The following GALNTL6 variants were observed in gnomAD, a reference collection of about 807,000 sequenced individuals.
GALNTL6 encodes polypeptide N-acetylgalactosaminyltransferase like 6.
In GALNTL6, 46 loss-of-function variants were observed where a neutral mutation model predicts 73.7. The ratio of observed to expected loss-of-function variants is 0.62; its 90% CI spans 0.49 to 0.80. GALNTL6 has a LOEUF of 0.80. GALNTL6 is among the 30% of genes least tolerant of loss of function. The probability of loss-of-function intolerance (pLI) is 0.00; values close to 1 mark genes in which losing one functional copy is unlikely to be tolerated. For synonymous variants in GALNTL6, 259 were observed against 263.7 expected, an observed-to-expected ratio of 0.98 and a Z score of 0.17; for missense variants, 604 against 755.0, an observed-to-expected ratio of 0.80 and a Z score of 2.34.
At chr4:172,931,439 T>G (rs1329094908) in intron 9 of GALNTL6, among the ~76,000 whole-genome samples, 171 bp downstream of exon 9, 1 of 152,230 alleles carries the variant, frequency 6.6e-6, no homozygotes, top group Non-Finnish European at 1.5e-5. Context: ...ATAATGCTAT[T>G]TCTTGTTACA....
intron 7 of GALNTL6, among the ~76,000 whole-genome samples, chr4:172,876,373 T>G (rs1237719179): frequency 6.6e-6 from 1 of 152,218 alleles, no homozygotes; most frequent in Non-Finnish European, 1.5e-5. Flanking sequence ...GGATAACTAG[T>G]TGGCCTTATT....
In GALNTL6 at chr4:171,814,668, C is replaced by A; in HGVS notation, c.88C>A (p.Leu30Met). The A allele has an allele frequency of 2.5e-6, 4 of 1,614,122 alleles. No homozygotes were observed. Among genetic ancestry groups the A allele is most frequent in the Non-Finnish European group, 3.4e-6 (4 of 1,180,022 alleles). ...CCTGCCTAACGTTGGTCTCTGGTCT[C>A]TGTACAAGGATAAGCACCTGGTGAA... ...IFLPNVGLWS[L>M]YKDKHLVKSA... is the part of the protein sequence containing the mutation. The change falls in exon 2 of 13, where the codon CTG becomes ATG. Residue 30 changes from leucine (L) to methionine (M), a missense_variant. Leu to Met is a conservative substitution (Grantham distance 15). Coordinates refer to ENST00000506823, the MANE Select transcript of GALNTL6 (RefSeq NM_001034845.3).
intron 2 of GALNTL6, among the ~76,000 whole-genome samples, chr4:172,015,923 A>ATTTTTTTTTTTTTTTTT (rs70941375): frequency 2.3e-5 from 1 of 44,052 alleles, no homozygotes; most frequent in African/African-American, 7.8e-5. Flanking sequence ...ATCTAATAGG[A>ATTTTTTTTTTTTTTTTT]TTTTTTTTTT....
chr4:172,638,070 G>A (rs117627168), intron 5 of GALNTL6, among the ~76,000 whole-genome samples: 2 of 152,128 alleles, frequency 1.3e-5, no homozygotes, highest in East Asian at 3.9e-4. Context: ...TTTCCAAGCA[G>A]TGGCTCATGT....
At chr4:172,091,972 C>T (rs1732218164) in intron 2 of GALNTL6, among the ~76,000 whole-genome samples, 1 of 152,190 alleles carries the variant, frequency 6.6e-6, no homozygotes, top group East Asian at 1.9e-4. Context: ...TTTTATGAGT[C>T]TATGTTCTTA....
intron 5 of GALNTL6, chr4:172,379,937 GTTTC>G: frequency 9.2e-6 from 6 of 650,126 alleles, no homozygotes; most frequent in Middle Eastern, 8.6e-4. Context: ...ATTCTGTAGT[GTTTC>G]TAAGACCTTG....
intron 5 of GALNTL6, among the ~76,000 whole-genome samples, chr4:172,556,727 G>T (rs1455402972): frequency 1.3e-5 from 2 of 149,692 alleles, no homozygotes; most frequent in African/African-American, 4.9e-5. Context: ...GATCAGCAAT[G>T]CCTGCTAGAC....
At chr4:172,569,308 G>T (rs753672139) in intron 5 of GALNTL6, among the ~76,000 whole-genome samples, 4 of 152,074 alleles carry the variant, frequency 2.6e-5, no homozygotes, top group Non-Finnish European at 4.4e-5. Flanking sequence ...GCTCTCGCAG[G>T]TCTCTTTAAT....
intron 7 of GALNTL6, among the ~76,000 whole-genome samples, chr4:172,872,229 AC>A (rs977394771): frequency 6.6e-6 from 1 of 152,254 alleles, no homozygotes; most frequent in Non-Finnish European, 1.5e-5. Context: ...AATTTGCAGA[AC>A]AGAAATAGGA....
At chr4:172,083,120 A>T (rs1050756855) in intron 2 of GALNTL6, among the ~76,000 whole-genome samples, 1 of 152,182 alleles carries the variant, frequency 6.6e-6, no homozygotes, top group Non-Finnish European at 1.5e-5. Context: ...CTTTGTGAGT[A>T]AATCCTGTTG....
At chr4:172,888,435 G>T (rs1248195743) in intron 8 of GALNTL6, among the ~76,000 whole-genome samples, 1 of 152,126 alleles carries the variant, frequency 6.6e-6, no homozygotes, top group Non-Finnish European at 1.5e-5. Context: ...ACTATTTATT[G>T]AATAGGAAGT....
chr4:172,613,612 A>G (rs1738612865), intron 5 of GALNTL6, among the ~76,000 whole-genome samples: 1 of 152,182 alleles, frequency 6.6e-6, no homozygotes, highest in Admixed American at 6.5e-5. Context: ...AAAACCTATG[A>G]TTAATATTTC....
chr4:172,939,361 A>C (rs979112383), intron 9 of GALNTL6, among the ~76,000 whole-genome samples: 1 of 152,192 alleles, frequency 6.6e-6, no homozygotes, highest in African/African-American at 2.4e-5. Context: ...TATTTTAAAA[A>C]TCAAGGCATC....
intron 7 of GALNTL6, among the ~76,000 whole-genome samples, chr4:172,849,421 A>ATG (rs1560991248): frequency 6.6e-6 from 1 of 152,306 alleles, no homozygotes; most frequent in East Asian, 1.9e-4. Flanking sequence ...AGTTCTGTAA[A>ATG]TGTAAGACTG....
rs768525056 is a variant in GALNTL6 at position 171,814,598 on chromosome 4, G to A, written c.18G>A (p.Lys6=). 10 of 1,614,140 alleles carry A rather than the reference G, an allele frequency of 6.2e-6. No individual in the cohort carries two copies. The highest frequency in any genetic ancestry group is 1.6e-4 in the Middle Eastern group (1 of 6,062). The stretch of plus-strand genomic sequence containing the variant: ...CATTTGCAATGAAGAGGAAACAGAA[G>A]AGATTTCTGCAGATGACTTTGTTGT... The part of the protein sequence containing the change: MKRKQ[K]RFLQMTLLFT... Residue 6 remains lysine, a synonymous_variant, in exon 2 of 13, where the codon AAG becomes AAA. Transcript: ENST00000506823.
At chr4:172,461,214 T>C (rs1245678028) in intron 5 of GALNTL6, among the ~76,000 whole-genome samples, 1 of 151,690 alleles carries the variant, frequency 6.6e-6, no homozygotes, top group African/African-American at 2.4e-5. Context: ...CTGGGACCTG[T>C]TGGGGGGTGG....
intron 6 of GALNTL6, among the ~76,000 whole-genome samples, chr4:172,811,066 T>C (rs1247088749): frequency 1.3e-5 from 2 of 152,166 alleles, no homozygotes; most frequent in Non-Finnish European, 2.9e-5. Flanking sequence ...GGATAAGAAA[T>C]GATTCAAGCT....
chr4:171,858,931 C>A (rs377736025), intron 2 of GALNTL6, among the ~76,000 whole-genome samples: 1 of 151,828 alleles, frequency 6.6e-6, no homozygotes, highest in South Asian at 2.1e-4. Context: ...TTTAATAAGC[C>A]CTTAATGTTA....
At chr4:172,573,352 C>G (rs765313349) in intron 5 of GALNTL6, among the ~76,000 whole-genome samples, 62 of 152,146 alleles carry the variant, frequency 4.1e-4, no homozygotes, top group Middle Eastern at 3.4e-3. Context: ...TTATAAAGGT[C>G]ATTACAGCTT....
Sources: allele counts gnomAD v4.1 joint callset (sites outside exome capture counted in the v4.1 genomes callset), GRCh38; gene constraint gnomAD v4.1.1; transcripts MANE v1.5; gene names NCBI Gene and HGNC (gene_info 2026-07-23, HGNC 2026-07-21).